Variants in LASP1 observed in about 807,000 individuals in gnomAD.
LASP1 encodes LIM and SH3 protein 1.
In LASP1, 10 loss-of-function variants were observed where a neutral mutation model predicts 38.6. The ratio of observed to expected loss-of-function variants is 0.26; its 90% CI spans 0.16 to 0.44. The LOEUF is 0.44. LASP1 is among the 20% of genes least tolerant of loss of function. The probability of loss-of-function intolerance (pLI) is 1.00; values close to 1 mark genes in which losing one functional copy is unlikely to be tolerated. For missense variants in LASP1, 243 were observed against 375.7 expected (o/e 0.65, Z 2.92); for synonymous variants, 132 against 140.8 (o/e 0.94, Z 0.44).
At chr17:38,902,952 C>T (rs1914685994) in intron 4 of LASP1, among the ~76,000 whole-genome samples, 1 of 152,208 alleles carries the variant, frequency 6.6e-6, no homozygotes, top group Admixed American at 6.5e-5. Context: ...ATCCACCTGC[C>T]TTGGCCTCCC....
intron 5 of LASP1, among the ~76,000 whole-genome samples, chr17:38,914,715 T>C (rs981117334): frequency 3.3e-5 from 4 of 123,006 alleles, no homozygotes; most frequent in Admixed American, 7.7e-5. Context: ...CACACACACA[T>C]GCACGCACGC....
chr17:38,902,452 C>T (rs1456550850), intron 4 of LASP1, among the ~76,000 whole-genome samples: 1 of 150,092 alleles, frequency 6.7e-6, no homozygotes, highest in East Asian at 1.9e-4. Flanking sequence ...AGTGATCCGC[C>T]CACCTCGGCC....
chr17:38,882,394 C>T (rs1344083959), intron 2 of LASP1, among the ~76,000 whole-genome samples: 1 of 152,164 alleles, frequency 6.6e-6, no homozygotes, highest in African/African-American at 2.4e-5. Flanking sequence ...ATTACAGGCA[C>T]CTGCCACCAT....
intron 4 of LASP1, among the ~76,000 whole-genome samples, chr17:38,902,925 A>G (rs1291047041): frequency 6.6e-6 from 1 of 151,930 alleles, no homozygotes; most frequent in Non-Finnish European, 1.5e-5. Flanking sequence ...CTGGTCTCGA[A>G]CTCCTGACCT....
In LASP1 at chr17:38,894,098, G is replaced by A. The variant is rs576437946; in HGVS notation, c.249+3594G>A. Among the ~76,000 whole-genome samples the A allele has an allele frequency of 2.0e-5, 3 of 152,188 alleles. No homozygotes were observed. In the South Asian group the frequency reaches 6.2e-4, roughly 32 times the overall value. ...AGAACTGTCCAGAAATGACCCTCTC[G>A]GTGGTCCTGCCCAGGCCTGGCTGAG... On this transcript the variant is annotated intron_variant, in intron 3 of 6. Transcript: ENST00000318008.
chr17:38,887,510 C>T (rs372509655), intron 2 of LASP1, among the ~76,000 whole-genome samples: 10 of 152,318 alleles, frequency 6.6e-5, no homozygotes, highest in East Asian at 5.8e-4. Flanking sequence ...GACTTGGCCA[C>T]GTATTCATCA....
chr17:38,897,805 C>T (rs954293138), intron 3 of LASP1, among the ~76,000 whole-genome samples: 1 of 152,202 alleles, frequency 6.6e-6, no homozygotes, highest in Admixed American at 6.5e-5. Context: ...GGGGCTGTCT[C>T]ACCACCCTCC....
At chr17:38,895,841 T>G (rs1371810002) in intron 3 of LASP1, among the ~76,000 whole-genome samples, 1 of 152,128 alleles carries the variant, frequency 6.6e-6, no homozygotes, top group African/African-American at 2.4e-5. Context: ...GGATGGTGGT[T>G]GTTTGGGTGT....
chr17:38,896,479 G>T (rs1914495015), intron 3 of LASP1, among the ~76,000 whole-genome samples: 1 of 152,198 alleles, frequency 6.6e-6, no homozygotes, highest in South Asian at 2.1e-4. Context: ...AACAGGGAGG[G>T]GGAGGCAGAA....
chr17:38,886,870 C>T (rs1368792011), intron 2 of LASP1, among the ~76,000 whole-genome samples: 1 of 152,082 alleles, frequency 6.6e-6, no homozygotes, highest in African/African-American at 2.4e-5. Flanking sequence ...ACCTGTCTGG[C>T]GGTCTTTGGG....
chr17:38,892,392 A>G (rs1914354061), intron 3 of LASP1, among the ~76,000 whole-genome samples: 1 of 152,200 alleles, frequency 6.6e-6, no homozygotes, highest in African/African-American at 2.4e-5. Flanking sequence ...GGAAGCAGGG[A>G]ACACCACAGC....
At chr17:38,877,168 G>A (rs1468328106) in intron 1 of LASP1, among the ~76,000 whole-genome samples, 1 of 152,348 alleles carries the variant, frequency 6.6e-6, no homozygotes, top group Admixed American at 6.5e-5. Flanking sequence ...GAGGTGCCAA[G>A]TGCTGTGCTG....
chr17:38,872,142 C>T (rs1913628282), intron 1 of LASP1, among the ~76,000 whole-genome samples: 1 of 152,150 alleles, frequency 6.6e-6, no homozygotes, highest in South Asian at 2.1e-4. Context: ...TTATGAATGT[C>T]TCTAGGCCTC....
At chr17:38,889,765 A>G (rs186128817) in intron 2 of LASP1, among the ~76,000 whole-genome samples, 23 of 152,320 alleles carry the variant, frequency 1.5e-4, no homozygotes, top group African/African-American at 5.3e-4. Flanking sequence ...GAGCATTTCC[A>G]ATAAGGGATA....
Position 38,918,579 on chromosome 17 carries a change from C to CTA in LASP1, c.613-25_613-24dup, listed in dbSNP as rs1915201007. The CTA allele has an allele frequency of 6.4e-7, 1 of 1,567,892 alleles. No homozygotes were observed. The highest frequency in any genetic ancestry group is 8.7e-7 in the Non-Finnish European group (1 of 1,150,606). On this transcript the variant is annotated intron_variant, in intron 6 of 6. Coordinates refer to ENST00000318008, the MANE Select transcript of LASP1 (RefSeq NM_006148.4). This position sits in a 1 kb window ranked among gnomAD's most constrained non-coding sequence, Gnocchi z 4.4. ...CCCAGGTGAGCCGGCATGCAGGGCCCTAGGCTGACCACACTTCCCCCACAG... is the reference window on the plus strand; with the variant it reads ...CCCAGGTGAGCCGGCATGCAGGGCCCTATAGGCTGACCACACTTCCCCCACAG...
In LASP1 at chr17:38,870,074, C is replaced by A; in HGVS notation, c.-116C>A. 1.8e-6 allele frequency: 2 copies of A among 1,123,320 alleles called. No individual in the cohort carries two copies. The highest frequency in any genetic ancestry group is 2.5e-5 in the East Asian group (1 of 39,758). The allele number at this position is 1,123,320 out of a possible 1,614,324, so 69.6% of individuals were successfully genotyped here. On this transcript the variant is annotated 5_prime_UTR_variant, in exon 1 of 7. Coordinates refer to ENST00000318008, the MANE Select transcript of LASP1 (RefSeq NM_006148.4). ...GAGGCGGAGGCCAGTTCCCCAGCTC[C>A]AGCCGCCGTCGCTGCTGCCTGTGTA...
chr17:38,888,235 G>A (rs1490404442), intron 2 of LASP1, among the ~76,000 whole-genome samples: 1 of 152,074 alleles, frequency 6.6e-6, no homozygotes, highest in Non-Finnish European at 1.5e-5. Flanking sequence ...AGAGAGGGAT[G>A]GAGAAGGGCT....
chr17:38,883,095 T>A (rs1284232172), intron 2 of LASP1, among the ~76,000 whole-genome samples: 1 of 152,128 alleles, frequency 6.6e-6, no homozygotes, highest in Non-Finnish European at 1.5e-5. Flanking sequence ...TAATCCCAGC[T>A]GCTTTTAAAA....
chr17:38,874,465 C>G (rs1337771904), intron 1 of LASP1, among the ~76,000 whole-genome samples: 1 of 152,130 alleles, frequency 6.6e-6, no homozygotes. Flanking sequence ...CTCCCCTCCC[C>G]ACAATTTTCC....
Sources: allele counts gnomAD v4.1 joint callset (sites outside exome capture counted in the v4.1 genomes callset), GRCh38; gene constraint gnomAD v4.1.1; non-coding constraint Gnocchi (gnomAD v3.1); transcripts MANE v1.5; gene names NCBI Gene and HGNC (gene_info 2026-07-23, HGNC 2026-07-21).